Variants in RBMS3 observed in about 807,000 individuals in gnomAD.
RBMS3 encodes the protein RNA binding motif single stranded interacting protein 3, also known as RNA-binding motif, single-stranded-interacting protein 3.
A neutral mutation model predicts 66.8 loss-of-function variants in RBMS3; 27 were observed. The ratio of observed to expected loss-of-function variants is 0.40; its 90% CI spans 0.30 to 0.56. The LOEUF is 0.56. Among genes scored for constraint, RBMS3 ranks in the 20% least tolerant of loss-of-function variants. The pLI, the probability that RBMS3 is intolerant of heterozygous loss-of-function variation, is 0.40. For synonymous variants in RBMS3, 188 were observed against 183.0 expected, an observed-to-expected ratio of 1.03 and a Z score of -0.22; for missense variants, 513 against 549.5, an observed-to-expected ratio of 0.93 and a Z score of 0.66.
intron 4 of RBMS3, among the ~76,000 whole-genome samples, chr3:29,611,258 T>A (rs1471107607): frequency 6.6e-6 from 1 of 152,078 alleles, no homozygotes; most frequent in Non-Finnish European, 1.5e-5. Flanking sequence ...CTGTAAAACT[T>A]ATTAAAGTCC....
chr3:29,387,846 A>G (rs1298232221), intron 1 of RBMS3, among the ~76,000 whole-genome samples: 3 of 152,182 alleles, frequency 2.0e-5, no homozygotes, highest in Non-Finnish European at 4.4e-5. Flanking sequence ...AAGTAAAAGA[A>G]GAAGCTTTTG....
At chr3:29,410,700 A>G (rs1210688407) in intron 1 of RBMS3, among the ~76,000 whole-genome samples, 1 of 152,214 alleles carries the variant, frequency 6.6e-6, no homozygotes, top group Non-Finnish European at 1.5e-5. Context: ...TAGAAAGTAC[A>G]TATTACTTTT....
intron 10 of RBMS3, among the ~76,000 whole-genome samples, chr3:29,933,036 T>G (rs1057203748): frequency 6.6e-6 from 1 of 152,190 alleles, no homozygotes; most frequent in Non-Finnish European, 1.5e-5. Flanking sequence ...GCCCAAACAT[T>G]GAGCAAAGCC....
At chr3:29,689,118 T>A (rs111763635) in intron 4 of RBMS3, among the ~76,000 whole-genome samples, 10 of 27,390 alleles carry the variant, frequency 3.7e-4, no homozygotes, top group Middle Eastern at 0.026. Flanking sequence ...TAGATATAGA[T>A]ATAGATATAG....
At chr3:29,956,792 C>T (rs1696076204) in intron 12 of RBMS3, among the ~76,000 whole-genome samples, 1 of 152,114 alleles carries the variant, frequency 6.6e-6, no homozygotes, top group African/African-American at 2.4e-5. Flanking sequence ...AGCCACGTTT[C>T]TGAAACAAAC....
At chr3:29,931,310 A>G (rs1297816049) in intron 10 of RBMS3, among the ~76,000 whole-genome samples, 1 of 152,162 alleles carries the variant, frequency 6.6e-6, no homozygotes, top group Non-Finnish European at 1.5e-5. Context: ...AGTAGACAAT[A>G]ATAAAGGGGA....
rs937644571 is a variant in RBMS3, at chr3:29,958,602, G to A, written c.1098+14348G>A. 3.3e-5 allele frequency among the ~76,000 whole-genome samples: 5 copies of A among 151,892 alleles called. No homozygotes were observed. The East Asian group carries it at 9.7e-4, about 29-fold the overall frequency. ...AACTCAATTGAATTATATTGCCTTA[G>A]CTTATACTTTATAAGGTGCCCGTTA... On this transcript the variant is annotated intron_variant, in intron 12 of 14. Coordinates refer to ENST00000383767, the MANE Select transcript of RBMS3 (RefSeq NM_001003793.3).
intron 6 of RBMS3, among the ~76,000 whole-genome samples, chr3:29,831,741 G>A (rs192436322): frequency 6.6e-6 from 1 of 152,110 alleles, no homozygotes; most frequent in Admixed American, 6.5e-5. Context: ...TAAGGACCTG[G>A]TTTACCAAAA....
At chr3:29,668,337 C>A (rs58706840) in intron 4 of RBMS3, among the ~76,000 whole-genome samples, 1 of 152,190 alleles carries the variant, frequency 6.6e-6, no homozygotes, top group Non-Finnish European at 1.5e-5. Flanking sequence ...TAGGACTCTG[C>A]TACTCAGAAC....
At chr3:29,852,939 A>G (rs6810005) in intron 6 of RBMS3, among the ~76,000 whole-genome samples, 55,526 of 152,100 alleles carry the variant, frequency 0.37, 10,340 homozygotes, top group Non-Finnish European at 0.4. Flanking sequence ...ATTAGATAAC[A>G]AAAATGTGGT....
At chr3:29,827,119 A>T (rs1045937702) in intron 6 of RBMS3, among the ~76,000 whole-genome samples, 2 of 152,130 alleles carry the variant, frequency 1.3e-5, no homozygotes, top group Admixed American at 6.6e-5. Context: ...GCCTGATCTG[A>T]GATGATACCT....
intron 4 of RBMS3, among the ~76,000 whole-genome samples, chr3:29,734,540 A>G (rs1237775031): frequency 1.3e-5 from 2 of 152,096 alleles, no homozygotes; most frequent in Non-Finnish European, 2.9e-5. Flanking sequence ...TTACTGGCCA[A>G]TTAAAAATGT....
rs535413770 is a variant in RBMS3 at position 29,851,324 on chromosome 3, A to G, written c.638-17534A>G. Among the ~76,000 whole-genome samples, 66 of 152,316 alleles carry G rather than the reference A, an allele frequency of 4.3e-4. 1 individual carries two copies. The highest frequency in any genetic ancestry group is 6.8e-3 in the Middle Eastern group (2 of 294). ...CTGTTACTGTTGAGCACAGGCTGCA[A>G]TCACTGAAGATTCTGGTAAATAAGG... On this transcript the variant is annotated intron_variant, in intron 6 of 14. Coordinates refer to ENST00000383767, the MANE Select transcript of RBMS3 (RefSeq NM_001003793.3).
intron 6 of RBMS3, among the ~76,000 whole-genome samples, chr3:29,811,813 C>A (rs1292969172): frequency 6.6e-6 from 1 of 152,076 alleles, no homozygotes; most frequent in Non-Finnish European, 1.5e-5. Context: ...TTTCTCACTT[C>A]CCCAGACTTC....
chr3:29,424,837 A>T (rs1359050875), intron 1 of RBMS3, among the ~76,000 whole-genome samples: 1 of 152,210 alleles, frequency 6.6e-6, no homozygotes, highest in Non-Finnish European at 1.5e-5. Flanking sequence ...GTCAATTAAA[A>T]TGGAAAATGC....
intron 2 of RBMS3, among the ~76,000 whole-genome samples, chr3:29,468,128 G>A (rs2042601367): frequency 6.6e-6 from 1 of 152,062 alleles, no homozygotes; most frequent in South Asian, 2.1e-4. Context: ...ATGGCTTCAG[G>A]ACCATGAAAA....
At chr3:29,376,644 A>G (rs190967890) in intron 1 of RBMS3, among the ~76,000 whole-genome samples, 2,898 of 152,316 alleles carry the variant, frequency 0.019, 45 homozygotes, top group Non-Finnish European at 0.025. Context: ...GCAGTGGCTC[A>G]TGCCTGTAAT....
At chr3:29,409,039 T>C (rs985032844) in intron 1 of RBMS3, among the ~76,000 whole-genome samples, 2 of 152,166 alleles carry the variant, frequency 1.3e-5, no homozygotes, top group African/African-American at 4.8e-5. Flanking sequence ...TTCAACTTGC[T>C]CGTAATATAG....
intron 5 of RBMS3, among the ~76,000 whole-genome samples, chr3:29,757,769 C>T (rs559904111): frequency 2.0e-5 from 3 of 152,300 alleles, no homozygotes; most frequent in African/African-American, 7.2e-5. Context: ...CCCCCATTAA[C>T]AACACCTTAA....
Sources: allele counts gnomAD v4.1 joint callset (sites outside exome capture counted in the v4.1 genomes callset), GRCh38; gene constraint gnomAD v4.1.1; transcripts MANE v1.5; gene names NCBI Gene and HGNC (gene_info 2026-07-23, HGNC 2026-07-21).